KCNT2: variants seen among roughly 807,000 people sequenced by gnomAD.
KCNT2 encodes potassium channel subfamily T member 2.
In KCNT2, 67 loss-of-function variants were observed where a neutral mutation model predicts 153.8. That is an observed-to-expected ratio of 0.44 (90% CI 0.36 to 0.53). The LOEUF is 0.53. Among genes scored for constraint, KCNT2 ranks in the 20% least tolerant of loss-of-function variants. The probability of loss-of-function intolerance (pLI) is 0.00; values close to 1 mark genes in which losing one functional copy is unlikely to be tolerated. For synonymous variants in KCNT2, 500 were observed against 458.8 expected (o/e 1.09, Z -1.15); for missense variants, 975 against 1,354.8 (o/e 0.72, Z 4.40).
rs995187200 is a variant in KCNT2, at chr1:196,256,281, C to G, written c.3211+1913G>C. 6.6e-5 allele frequency among the ~76,000 whole-genome samples: 10 copies of G among 151,954 alleles called. No individual in the cohort carries two copies. The East Asian group carries it at 1.7e-3, about 26-fold the overall frequency. On this transcript the variant is annotated intron_variant, in intron 26 of 27. Coordinates refer to ENST00000294725, the MANE Select transcript of KCNT2 (RefSeq NM_198503.5). ...AGCCTGGTATATCCTTTTACTCCCC[C>G]CAAAAAAGCTAACAGTTCTGCCAAA... is the stretch of plus-strand genomic sequence containing the variant.
intron 1 of KCNT2, among the ~76,000 whole-genome samples, chr1:196,516,853 G>C (rs1682099754): frequency 6.6e-6 from 1 of 152,156 alleles, no homozygotes; most frequent in Admixed American, 6.5e-5. Context: ...AAGGTGACTA[G>C]AGACTAGAGC....
At chr1:196,431,038 C>T (rs1674106492) in intron 8 of KCNT2, among the ~76,000 whole-genome samples, 1 of 152,062 alleles carries the variant, frequency 6.6e-6, no homozygotes, top group Admixed American at 6.6e-5. Context: ...TGGAGGGAAC[C>T]AGCTAGCCCT....
At chr1:196,370,769 G>T (rs1668457728) in intron 14 of KCNT2, among the ~76,000 whole-genome samples, 1 of 152,116 alleles carries the variant, frequency 6.6e-6, no homozygotes, top group African/African-American at 2.4e-5. Flanking sequence ...GTTAACAGCA[G>T]CATTGTGAAA....
intron 25 of KCNT2, among the ~76,000 whole-genome samples, chr1:196,260,536 C>T (rs2147787563): frequency 6.6e-6 from 1 of 151,550 alleles, no homozygotes; most frequent in East Asian, 1.9e-4. Context: ...AGAATCTCAT[C>T]TTTTTTTTCA....
intron 1 of KCNT2, among the ~76,000 whole-genome samples, chr1:196,588,644 A>G (rs1046773270): frequency 2.6e-5 from 4 of 151,928 alleles, no homozygotes; most frequent in African/African-American, 9.7e-5. Flanking sequence ...TTACAATAGT[A>G]TACCCAGAAA....
intron 13 of KCNT2, among the ~76,000 whole-genome samples, chr1:196,397,215 C>T (rs1259800254): frequency 6.6e-6 from 1 of 151,110 alleles, no homozygotes; most frequent in Non-Finnish European, 1.5e-5. Flanking sequence ...GTCATTACTG[C>T]CATTCAAAAA....
At chr1:196,578,197 G>GT (rs932815006) in intron 1 of KCNT2, among the ~76,000 whole-genome samples, 4 of 15,148 alleles carry the variant, frequency 2.6e-4, no homozygotes, top group African/African-American at 3.1e-4. Context: ...CCATAGTTAG[G>GT]AAAAAAAACA....
intron 8 of KCNT2, among the ~76,000 whole-genome samples, chr1:196,439,042 T>C (rs1572456332): frequency 6.6e-6 from 1 of 151,870 alleles, no homozygotes; most frequent in Non-Finnish European, 1.5e-5. Context: ...AGCAGATAAA[T>C]CTCGCCATTC....
At chr1:196,520,675 C>T (rs1382787933) in intron 1 of KCNT2, among the ~76,000 whole-genome samples, 1 of 152,056 alleles carries the variant, frequency 6.6e-6, no homozygotes, top group Non-Finnish European at 1.5e-5. Flanking sequence ...TTTGACAAAG[C>T]TGACAAAAGC....
chr1:196,273,575 A>G, intron 25 of KCNT2: 1 of 954,836 alleles, frequency 1.0e-6, no homozygotes, highest in Non-Finnish European at 1.6e-6. Flanking sequence ...ATCAGTAACA[A>G]GGACAAAATG....
chr1:196,576,437 C>T lies in KCNT2; in HGVS notation c.95+31778G>A, dbSNP rs144999336. ...CTAAAGTAGCTAGAAAAACATTCCA[C>T]GCCAAACTTGTTGGGAATACCATAG... On this transcript the variant is annotated intron_variant, in intron 1 of 27. Coordinates refer to ENST00000294725, the MANE Select transcript of KCNT2 (RefSeq NM_198503.5). 2.8e-3 allele frequency among the ~76,000 whole-genome samples: 422 copies of T among 152,150 alleles called. 4 individuals carry two copies. Among genetic ancestry groups the T allele is most frequent in the African/African-American group, 9.7e-3 (404 of 41,520 alleles).
At chr1:196,366,250 C>A (rs559409480) in intron 14 of KCNT2, among the ~76,000 whole-genome samples, 33 of 151,948 alleles carry the variant, frequency 2.2e-4, no homozygotes, top group African/African-American at 8.0e-4. Context: ...GCCTCTGCCT[C>A]CTGGGTTCAA....
chr1:196,451,251 C>CT (rs1188554507), intron 8 of KCNT2, among the ~76,000 whole-genome samples: 13 of 45,892 alleles, frequency 2.8e-4, no homozygotes, highest in East Asian at 8.3e-4. Flanking sequence ...TTTCCTTTTT[C>CT]TTTTTTTTTG....
intron 25 of KCNT2, among the ~76,000 whole-genome samples, chr1:196,271,635 T>A (rs139819135): frequency 6.6e-6 from 1 of 151,744 alleles, no homozygotes; most frequent in African/African-American, 2.4e-5. Context: ...TAGGAAAAAA[T>A]TATAAAATAA....
chr1:196,594,211 A>G (rs569574812), intron 1 of KCNT2, among the ~76,000 whole-genome samples: 26 of 152,302 alleles, frequency 1.7e-4, no homozygotes, highest in Non-Finnish European at 2.8e-4. Flanking sequence ...GAACTGTCAC[A>G]GTATGAATTA....
intron 12 of KCNT2, among the ~76,000 whole-genome samples, chr1:196,402,677 T>C (rs1034646211): frequency 2.6e-5 from 4 of 151,538 alleles, no homozygotes; most frequent in Non-Finnish European, 4.4e-5. Flanking sequence ...ATATTAATAA[T>C]GACATTAAAT....
intron 22 of KCNT2, among the ~76,000 whole-genome samples, chr1:196,289,165 C>T (rs145515052): frequency 1.8e-4 from 28 of 152,032 alleles, no homozygotes; most frequent in African/African-American, 6.5e-4. Flanking sequence ...TTTATCCTTC[C>T]TATAATGCTA....
intron 3 of KCNT2, 143 bp downstream of exon 3, chr1:196,489,695 G>A (rs1679712370): frequency 1.8e-6 from 1 of 548,390 alleles, no homozygotes; most frequent in Non-Finnish European, 3.3e-6. Context: ...TGTAGTGCCT[G>A]TAAATCGATC....
Position 196,276,792 on chromosome 1 carries a change from C to G in KCNT2, c.2910+4068G>C, listed in dbSNP as rs566390841. On this transcript the variant is annotated intron_variant, in intron 25 of 27. Coordinates refer to ENST00000294725, the MANE Select transcript of KCNT2 (RefSeq NM_198503.5). ...TAATACTCTTTCAAAATCTTGAGAGCATTGTTTCATTTTATTCTGGCTTGT... is the reference window on the plus strand; with the variant it reads ...TAATACTCTTTCAAAATCTTGAGAGGATTGTTTCATTTTATTCTGGCTTGT... Among the ~76,000 whole-genome samples the G allele has an allele frequency of 6.6e-5, 10 of 152,162 alleles. No homozygotes were observed. The East Asian group carries it at 1.9e-3, about 29-fold the overall frequency.
Sources: allele counts gnomAD v4.1 joint callset (sites outside exome capture counted in the v4.1 genomes callset), GRCh38; gene constraint gnomAD v4.1.1; transcripts MANE v1.5; gene names NCBI Gene and HGNC (gene_info 2026-07-23, HGNC 2026-07-21).